Variants in ENTREP2 observed in about 807,000 individuals in gnomAD.
ENTREP2 encodes protein ENTREP2.
At chr15:29,338,878 T>C in the ENTREP2 span, among the ~76,000 whole-genome samples, 3 of 141,964 alleles carry the variant, frequency 2.1e-5, no homozygotes, top group Non-Finnish European at 4.7e-5. Flanking sequence ...CAATGAATTA[T>C]TGATTCCCAG....
At chr15:29,318,061 C>CAGAG in the ENTREP2 span, among the ~76,000 whole-genome samples, 2 of 152,038 alleles carry the variant, frequency 1.3e-5, no homozygotes, top group East Asian at 3.9e-4. Flanking sequence ...TCCGCGTTTC[C>CAGAG]AGAGAGCTCT....
chr15:29,394,064 G>A, the ENTREP2 span, among the ~76,000 whole-genome samples: 4 of 151,950 alleles, frequency 2.6e-5, no homozygotes, highest in Non-Finnish European at 5.9e-5. Context: ...AACTATCCAA[G>A]AATTAACTTC....
chr15:29,445,593 C>T, the ENTREP2 span, among the ~76,000 whole-genome samples: 1 of 152,186 alleles, frequency 6.6e-6, no homozygotes, highest in Non-Finnish European at 1.5e-5. Flanking sequence ...CCAGAGAAAG[C>T]TCCACACCCC....
the ENTREP2 span, among the ~76,000 whole-genome samples, chr15:29,547,798 T>C: frequency 6.6e-6 from 1 of 152,208 alleles, no homozygotes; most frequent in Admixed American, 6.5e-5. Flanking sequence ...CCCATGTTCA[T>C]AGCAGCACTA....
chr15:29,585,114 A>G, the ENTREP2 span, among the ~76,000 whole-genome samples: 1 of 152,210 alleles, frequency 6.6e-6, no homozygotes, highest in African/African-American at 2.4e-5. Context: ...CCTCTTATAT[A>G]CACCTAATTA....
At chr15:29,234,486 T>G in the ENTREP2 span, 18 of 1,453,194 alleles carry the variant, frequency 1.2e-5, no homozygotes, top group South Asian at 1.9e-4. Context: ...CTATCATATA[T>G]TTGTACTGAG....
At chr15:29,575,345 C>T in the ENTREP2 span, among the ~76,000 whole-genome samples, 24,829 of 152,118 alleles carry the variant, frequency 0.16, 2,899 homozygotes, top group East Asian at 0.49. Context: ...ACTCACTTTC[C>T]CTTAACTTCC....
chr15:29,538,051 A>G, the ENTREP2 span, among the ~76,000 whole-genome samples: 1 of 152,078 alleles, frequency 6.6e-6, no homozygotes, highest in Admixed American at 6.6e-5. Context: ...GGATTTAACA[A>G]TACGTTTTAT....
the ENTREP2 span, among the ~76,000 whole-genome samples, chr15:29,301,421 A>C: frequency 0.17 from 26,450 of 152,176 alleles, 2,854 homozygotes; most frequent in Non-Finnish European, 0.24. Context: ...AAAATTTCAG[A>C]TAATCAGAGC....
the ENTREP2 span, among the ~76,000 whole-genome samples, chr15:29,659,802 AT>A: frequency 7.6e-3 from 1,110 of 146,920 alleles, 14 homozygotes; most frequent in African/African-American, 0.024. Flanking sequence ...ATGCCACTAT[AT>A]TTTTTTTTTT....
the ENTREP2 span, among the ~76,000 whole-genome samples, chr15:29,134,713 C>T: frequency 6.6e-6 from 1 of 152,174 alleles, no homozygotes; most frequent in Non-Finnish European, 1.5e-5. Context: ...CTTATTCAGC[C>T]AACATGGAAA....
chr15:29,656,454 T>C, the ENTREP2 span, among the ~76,000 whole-genome samples: 1 of 152,206 alleles, frequency 6.6e-6, no homozygotes, highest in East Asian at 1.9e-4. Context: ...CTTGAACTCC[T>C]GAGTGCAGGC....
the ENTREP2 span, among the ~76,000 whole-genome samples, chr15:29,670,635 G>A: frequency 4.4e-3 from 666 of 152,232 alleles, 11 homozygotes; most frequent in East Asian, 3.5e-3. Context: ...ATGCCACCCG[G>A]GAACTCTCTT....
At chr15:29,637,298 C>G in the ENTREP2 span, among the ~76,000 whole-genome samples, 4 of 152,192 alleles carry the variant, frequency 2.6e-5, no homozygotes, top group South Asian at 6.2e-4. Context: ...GCAATGACCA[C>G]TTGGGTGATT....
At chr15:29,560,094 C>A in the ENTREP2 span, among the ~76,000 whole-genome samples, 2 of 152,146 alleles carry the variant, frequency 1.3e-5, no homozygotes, top group Non-Finnish European at 2.9e-5. Flanking sequence ...TACGGGGCTA[C>A]CAGAATAATC....
chr15:29,263,565 T>C, the ENTREP2 span, among the ~76,000 whole-genome samples: 13 of 152,200 alleles, frequency 8.5e-5, no homozygotes, highest in African/African-American at 3.1e-4. Flanking sequence ...TAAGAGGAAT[T>C]AATCAAATAA....
At chr15:29,467,821 A>C in the ENTREP2 span, among the ~76,000 whole-genome samples, 5 of 152,210 alleles carry the variant, frequency 3.3e-5, no homozygotes, top group South Asian at 6.2e-4. Flanking sequence ...CCAGCCTTCA[A>C]TCACACTCTG....
chr15:29,300,100 G>A, the ENTREP2 span, among the ~76,000 whole-genome samples: 23,994 of 150,334 alleles, frequency 0.16, 3,203 homozygotes, highest in African/African-American at 0.37. Context: ...TGAATGGATG[G>A]GTGGGTGAGT....
At chr15:29,553,535 G>T in the ENTREP2 span, among the ~76,000 whole-genome samples, 1 of 152,240 alleles carries the variant, frequency 6.6e-6, no homozygotes, top group East Asian at 1.9e-4. Context: ...AAGAGGTAGG[G>T]CCTATGTCCC....
Sources: gnomAD v4.1 joint callset for allele counts (sites outside exome capture counted in the v4.1 genomes callset) on GRCh38, gnomAD v4.1.1 for gene constraint, MANE v1.5 for transcripts, NCBI Gene and HGNC (gene_info 2026-07-23, HGNC 2026-07-21) for gene names.